The following BICD1 variants were observed in gnomAD, a reference collection of about 807,000 sequenced individuals.
The protein encoded by BICD1 is protein bicaudal D homolog 1.
In BICD1, 35 loss-of-function variants were observed where a neutral mutation model predicts 92.5. That is an observed-to-expected ratio of 0.38 (90% CI 0.29 to 0.50). BICD1 has a LOEUF of 0.50. Ranked by LOEUF, BICD1 falls within the 20% of genes least tolerant of loss-of-function variation. BICD1 has a pLI of 0.93. For missense variants in BICD1, 950 were observed against 1,189.8 expected (o/e 0.80, Z 2.97); for synonymous variants, 429 against 465.1 (o/e 0.92, Z 1.00).
In BICD1 at chr12:32,380,244, C is replaced by T. The variant is rs183638949; in HGVS notation, c.*2617C>T. 2 of 152,126 alleles carry T rather than the reference C, an allele frequency of 1.3e-5. No individual in the cohort carries two copies. Among genetic ancestry groups the T allele is most frequent in the South Asian group, 2.1e-4 (1 of 4,820 alleles). 9.4% of individuals were successfully genotyped at this position (152,126 alleles called of 1,614,324 possible). On this transcript the variant is annotated 3_prime_UTR_variant, in exon 10 of 10. Coordinates refer to ENST00000652176, the MANE Select transcript of BICD1 (RefSeq NM_001714.4). Reference sequence around the variant, plus strand: ...ACACTGAGCCATATTTATTTATAGGCATTTAAAGTGAATCAGTATGTGTAG... The same window carrying T: ...ACACTGAGCCATATTTATTTATAGGTATTTAAAGTGAATCAGTATGTGTAG...
chr12:32,311,230 G>A (rs939494073), intron 4 of BICD1, among the ~76,000 whole-genome samples: 23 of 152,222 alleles, frequency 1.5e-4, no homozygotes, highest in African/African-American at 4.6e-4. Context: ...GGGTGCGGTG[G>A]CTCACGCCTG....
At chr12:32,161,160 T>C (rs1387343160) in intron 1 of BICD1, among the ~76,000 whole-genome samples, 1 of 152,166 alleles carries the variant, frequency 6.6e-6, no homozygotes, top group Non-Finnish European at 1.5e-5. Flanking sequence ...GCCCCCAACA[T>C]GGTAAAAGAT....
chr12:32,143,464 TG>T (rs1445451840), intron 1 of BICD1, among the ~76,000 whole-genome samples: 1 of 152,160 alleles, frequency 6.6e-6, no homozygotes, highest in African/African-American at 2.4e-5. Flanking sequence ...CATTTTTTTT[TG>T]TGTGTGTGTG....
chr12:32,322,709 T>C (rs548828131), intron 4 of BICD1, among the ~76,000 whole-genome samples: 1 of 152,366 alleles, frequency 6.6e-6, no homozygotes, highest in African/African-American at 2.4e-5. Context: ...GTGAAGACAC[T>C]GTAGACTTAC....
At chr12:32,326,912 G>A (rs1948790091) in intron 4 of BICD1, among the ~76,000 whole-genome samples, 2 of 152,172 alleles carry the variant, frequency 1.3e-5, no homozygotes, top group Admixed American at 1.3e-4. Flanking sequence ...CAAATGTAGT[G>A]CGTGTTTATT....
intron 2 of BICD1, among the ~76,000 whole-genome samples, chr12:32,238,839 G>A (rs1263695262): frequency 6.6e-6 from 1 of 151,642 alleles, no homozygotes; most frequent in Non-Finnish European, 1.5e-5. Flanking sequence ...AGCTACTTGG[G>A]AGGCTGAGGC....
At chr12:32,279,014 G>A (rs574311225) in intron 2 of BICD1, among the ~76,000 whole-genome samples, 2 of 152,276 alleles carry the variant, frequency 1.3e-5, no homozygotes, top group South Asian at 2.1e-4. Flanking sequence ...TGCTGATATA[G>A]TGTGGAATAG....
At chr12:32,129,752 T>G (rs1942473452) in intron 1 of BICD1, among the ~76,000 whole-genome samples, 1 of 152,130 alleles carries the variant, frequency 6.6e-6, no homozygotes, top group African/African-American at 2.4e-5. Flanking sequence ...TCATCTTCTT[T>G]TATCCCCTCC....
intron 1 of BICD1, among the ~76,000 whole-genome samples, chr12:32,161,316 C>T (rs140787408): frequency 0.021 from 3,180 of 152,294 alleles, 50 homozygotes; most frequent in Non-Finnish European, 0.031. Context: ...ATGATTCAAC[C>T]AGAGACACAG....
At chr12:32,293,378 C>G (rs776680049) in intron 2 of BICD1, among the ~76,000 whole-genome samples, 1 of 152,046 alleles carries the variant, frequency 6.6e-6, no homozygotes, top group South Asian at 2.1e-4. Context: ...AGTGAAGTGG[C>G]CTGATCTCGG....
chr12:32,363,528 C>T (rs1939412583), intron 8 of BICD1, among the ~76,000 whole-genome samples: 1 of 152,120 alleles, frequency 6.6e-6, no homozygotes, highest in Non-Finnish European at 1.5e-5. Flanking sequence ...TGTCTTATTA[C>T]TGTTACTAAA....
intron 6 of BICD1, among the ~76,000 whole-genome samples, chr12:32,336,452 TG>T (rs1411511851): frequency 1.2e-4 from 18 of 152,230 alleles, no homozygotes; most frequent in African/African-American, 4.3e-4. Flanking sequence ...TTCTGTTTTT[TG>T]TTTTTTGACA....
chr12:32,171,206 C>T (rs74074445), intron 1 of BICD1, among the ~76,000 whole-genome samples: 5,333 of 152,220 alleles, frequency 0.035, 317 homozygotes, highest in African/African-American at 0.12. Context: ...TGAACAGAGG[C>T]GACACACGTC....
chr12:32,350,611 A>G (rs888122344), intron 8 of BICD1, among the ~76,000 whole-genome samples: 21 of 152,222 alleles, frequency 1.4e-4, no homozygotes, highest in Non-Finnish European at 2.6e-4. Flanking sequence ...CACACTCGTT[A>G]TAGAGCAGGG....
At chr12:32,304,582 G>A (rs1372720044) in intron 3 of BICD1, among the ~76,000 whole-genome samples, 1 of 152,182 alleles carries the variant, frequency 6.6e-6, no homozygotes, top group African/African-American at 2.4e-5. Flanking sequence ...CTTAAAAGGT[G>A]GCATGTGATA....
intron 1 of BICD1, among the ~76,000 whole-genome samples, chr12:32,119,385 A>G (rs1942061743): frequency 6.6e-6 from 1 of 152,182 alleles, no homozygotes; most frequent in South Asian, 2.1e-4. Context: ...GTATGTTAGA[A>G]TCACCTGGGT....
At chr12:32,264,270 A>G in intron 2 of BICD1, among the ~76,000 whole-genome samples, 1 of 152,196 alleles carries the variant, frequency 6.6e-6, no homozygotes, top group East Asian at 1.9e-4. Flanking sequence ...CTCCTCAACT[A>G]AATTATAAAC....
intron 2 of BICD1, among the ~76,000 whole-genome samples, chr12:32,247,376 G>A (rs1038682070): frequency 2.0e-5 from 3 of 152,176 alleles, no homozygotes; most frequent in Non-Finnish European, 4.4e-5. Flanking sequence ...GACATTTTAA[G>A]CCATGGGCTT....
At chr12:32,212,967 C>A (rs1224815002) in intron 1 of BICD1, among the ~76,000 whole-genome samples, 1 of 152,126 alleles carries the variant, frequency 6.6e-6, no homozygotes, top group Non-Finnish European at 1.5e-5. Context: ...AAAAAAGTTG[C>A]CCCAAAATAC....
Sources: allele counts gnomAD v4.1 joint callset (sites outside exome capture counted in the v4.1 genomes callset), GRCh38; gene constraint gnomAD v4.1.1; transcripts MANE v1.5; gene names NCBI Gene and HGNC (gene_info 2026-07-23, HGNC 2026-07-21).